C2orf76: variants seen among roughly 807,000 people sequenced by gnomAD.
C2orf76 encodes the protein chromosome 2 open reading frame 76.
C2orf76 carries 23 observed loss-of-function variants against 16.9 expected under a neutral mutation model. The observed-to-expected ratio is 1.36, with a 90% confidence interval of 0.98 to 1.93. The LOEUF is 1.93. Among genes scored for constraint, C2orf76 ranks in the 30% most tolerant of loss-of-function variants. The probability of loss-of-function intolerance (pLI) is 0.00; values close to 1 mark genes in which losing one functional copy is unlikely to be tolerated. For synonymous variants in C2orf76, 48 were observed against 52.3 expected (o/e 0.92, Z 0.35); for missense variants, 152 against 152.6 (o/e 1.00, Z 0.02).
At chr2:119,346,902 G>T (rs1235626784) in intron 1 of C2orf76, among the ~76,000 whole-genome samples, 1 of 152,182 alleles carries the variant, frequency 6.6e-6, no homozygotes, top group African/African-American at 2.4e-5. Context: ...CTCAAGCAAG[G>T]TGTTGCCAAT....
intron 1 of C2orf76, among the ~76,000 whole-genome samples, chr2:119,356,344 G>A (rs1680568747): frequency 6.7e-6 from 1 of 150,182 alleles, no homozygotes; most frequent in Admixed American, 6.7e-5. Flanking sequence ...AGAGGTTGCA[G>A]TGAGCTGAGA....
intron 1 of C2orf76, among the ~76,000 whole-genome samples, chr2:119,361,687 C>T (rs1309726175): frequency 5.9e-5 from 9 of 151,978 alleles, no homozygotes; most frequent in Admixed American, 5.9e-4. Context: ...GGAACCAATC[C>T]CCCACAGATA....
upstream of C2orf76, chr2:119,366,846 G>T: frequency 1.5e-6 from 1 of 650,922 alleles, no homozygotes; most frequent in Non-Finnish European, 2.6e-6. Flanking sequence ...GTCCCACGTG[G>T]GCTCGGGCGG....
chr2:119,307,394 G>C (rs932909140), intron 5 of C2orf76, among the ~76,000 whole-genome samples: 2 of 151,398 alleles, frequency 1.3e-5, no homozygotes, highest in Non-Finnish European at 2.9e-5. Context: ...AGCCGAGATC[G>C]TGCCACTGCA....
chr2:119,345,693 A>C (rs542308923), intron 1 of C2orf76, among the ~76,000 whole-genome samples: 1 of 152,326 alleles, frequency 6.6e-6, no homozygotes, highest in South Asian at 2.1e-4. Context: ...TACAGACAGT[A>C]TTTCAGCGTT....
intron 1 of C2orf76, among the ~76,000 whole-genome samples, chr2:119,363,512 G>A (rs1680820741): frequency 6.6e-6 from 1 of 151,622 alleles, no homozygotes; most frequent in Non-Finnish European, 1.5e-5. Context: ...TAACCGGAAA[G>A]AAAATACAGA....
chr2:119,348,894 G>T (rs974993262), intron 1 of C2orf76, among the ~76,000 whole-genome samples: 2 of 152,136 alleles, frequency 1.3e-5, no homozygotes, highest in Admixed American at 1.3e-4. Context: ...GGCTGAGGTG[G>T]GAGGATCGCT....
chr2:119,336,180 A>C (rs1280127715), intron 2 of C2orf76, among the ~76,000 whole-genome samples: 1 of 152,086 alleles, frequency 6.6e-6, no homozygotes, highest in Non-Finnish European at 1.5e-5. Flanking sequence ...GGATCTCTTG[A>C]GATCAGAAGT....
chr2:119,294,160 T>G, the C2orf76 span, among the ~76,000 whole-genome samples: 1 of 150,538 alleles, frequency 6.6e-6, no homozygotes, highest in African/African-American at 2.4e-5. Context: ...GCAAACGAGA[T>G]GGGGAGGAGT....
intron 4 of C2orf76, among the ~76,000 whole-genome samples, chr2:119,313,527 T>A (rs1435580220): frequency 6.6e-6 from 1 of 150,872 alleles, no homozygotes; most frequent in African/African-American, 2.4e-5. Flanking sequence ...TCCTGGGAGG[T>A]AGAGGTTGCA....
chr2:119,357,673 CA>C (rs767154901), intron 1 of C2orf76, among the ~76,000 whole-genome samples: 3 of 149,712 alleles, frequency 2.0e-5, no homozygotes, highest in Non-Finnish European at 4.4e-5. Context: ...AGATCAGGAA[CA>C]AGGAAAAATA....
the C2orf76 span, among the ~76,000 whole-genome samples, chr2:119,287,568 T>G: frequency 8.0e-3 from 1,222 of 152,190 alleles, 23 homozygotes; most frequent in African/African-American, 0.028. Flanking sequence ...ATGGGAAGTC[T>G]CTGTTTTTGT....
At chr2:119,307,469 A>G (rs1351097141) in intron 5 of C2orf76, among the ~76,000 whole-genome samples, 2 of 151,858 alleles carry the variant, frequency 1.3e-5, no homozygotes, top group Non-Finnish European at 2.9e-5. Flanking sequence ...CATTTCAAGT[A>G]TCATTTTCAC....
Position 119,366,792 on chromosome 2 carries a change from G to A in C2orf76, c.-15C>T, listed in dbSNP as rs1213463015. 5 of 574,560 alleles carry A rather than the reference G, an allele frequency of 8.7e-6. No individual in the cohort carries two copies. In the East Asian group the frequency reaches 1.5e-4, roughly 17 times the overall value. 35.6% of individuals were successfully genotyped at this position (574,560 alleles called of 1,614,324 possible). A position where few individuals can be genotyped will look rare whatever the true frequency, so the allele number is the denominator to read the frequency against. ...CACCCTACTTCCGTTGTCCCCACCT[G>A]TTCCCGGCGTCCCCTTCGGCTACTC... On this transcript the variant is annotated splice_region_variant and 5_prime_UTR_variant, in exon 1 of 6. Transcript: ENST00000334816.
At chr2:119,357,681 A>ACC (rs1191119935) in intron 1 of C2orf76, among the ~76,000 whole-genome samples, 3 of 152,176 alleles carry the variant, frequency 2.0e-5, no homozygotes, top group African/African-American at 7.2e-5. Flanking sequence ...AACAAGGAAA[A>ACC]ATAGCCATTC....
At chr2:119,313,527 T>C (rs1435580220) in intron 4 of C2orf76, among the ~76,000 whole-genome samples, 1 of 150,874 alleles carries the variant, frequency 6.6e-6, no homozygotes, top group Non-Finnish European at 1.5e-5. Flanking sequence ...TCCTGGGAGG[T>C]AGAGGTTGCA....
chr2:119,332,924 G>A (rs1679721741), intron 2 of C2orf76, among the ~76,000 whole-genome samples: 1 of 152,120 alleles, frequency 6.6e-6, no homozygotes, highest in South Asian at 2.1e-4. Context: ...TACAGATGAG[G>A]GTCTTGCTAT....
the C2orf76 span, among the ~76,000 whole-genome samples, chr2:119,295,560 C>T: frequency 6.6e-6 from 1 of 152,066 alleles, no homozygotes; most frequent in Non-Finnish European, 1.5e-5. Context: ...GTGAAGGAGT[C>T]ACAGCCTTAA....
At chr2:119,349,257 T>G (rs552579053) in intron 1 of C2orf76, among the ~76,000 whole-genome samples, 1 of 152,268 alleles carries the variant, frequency 6.6e-6, no homozygotes, top group Non-Finnish European at 1.5e-5. Flanking sequence ...ACTTTTCTGA[T>G]ATATGTGTAT....
Sources: allele counts gnomAD v4.1 joint callset (sites outside exome capture counted in the v4.1 genomes callset), GRCh38; gene constraint gnomAD v4.1.1; transcripts MANE v1.5; gene names NCBI Gene and HGNC (gene_info 2026-07-23, HGNC 2026-07-21).